Variants in COL27A1 observed in about 807,000 individuals in gnomAD.
COL27A1 encodes collagen type XXVII alpha 1 chain, also known as collagen alpha-1(XXVII) chain.
A neutral mutation model predicts 251.3 loss-of-function variants in COL27A1; 106 were observed. That is an observed-to-expected ratio of 0.42 (90% confidence interval 0.36 to 0.50). The LOEUF (loss-of-function observed/expected upper bound fraction) is 0.50, where lower values mean the gene tolerates loss of function less well. COL27A1 is among the 20% of genes least tolerant of loss of function. The pLI is 0.00. For synonymous variants in COL27A1, 1,000 were observed against 986.3 expected (o/e 1.01, Z -0.26); for missense variants, 2,325 against 2,522.8 (o/e 0.92, Z 1.68).
At chr9:114,214,092 G>A (rs117920430) in intron 12 of COL27A1, among the ~76,000 whole-genome samples, 1,573 of 152,288 alleles carry the variant, frequency 0.01, 22 homozygotes, top group Non-Finnish European at 0.011. Context: ...CATCGGCTGA[G>A]TCCCTACAGC....
chr9:114,213,828 T>G (rs1282246795), intron 12 of COL27A1, among the ~76,000 whole-genome samples: 1 of 152,226 alleles, frequency 6.6e-6, no homozygotes, highest in Non-Finnish European at 1.5e-5. Flanking sequence ...CTTGCCAGAC[T>G]GAGAACTTCT....
chr9:114,182,774 C>T (rs1481281761), intron 4 of COL27A1, among the ~76,000 whole-genome samples: 1 of 152,214 alleles, frequency 6.6e-6, no homozygotes, highest in Non-Finnish European at 1.5e-5. Context: ...ATAGTAATAA[C>T]AACACCACCT....
chr9:114,235,990 C>G (rs888030261), intron 17 of COL27A1, among the ~76,000 whole-genome samples: 4 of 152,122 alleles, frequency 2.6e-5, no homozygotes, highest in Non-Finnish European at 5.9e-5. Flanking sequence ...GGCTCCCTAA[C>G]CAGACATCAG....
chr9:114,161,094 A>G (rs1283023081), intron 1 of COL27A1, among the ~76,000 whole-genome samples: 1 of 152,192 alleles, frequency 6.6e-6, no homozygotes, highest in East Asian at 1.9e-4. Flanking sequence ...TCAGCATCCC[A>G]ACAGTGTCTT....
chr9:114,193,732 A>C (rs933850566), intron 5 of COL27A1, among the ~76,000 whole-genome samples: 8 of 152,142 alleles, frequency 5.3e-5, no homozygotes, highest in Non-Finnish European at 7.3e-5. Context: ...TCGTGCATTG[A>C]ACCTCATGTA....
intron 53 of COL27A1, 54 bp from the exon 54 acceptor site, chr9:114,301,391 G>T: frequency 6.2e-7 from 1 of 1,612,460 alleles, no homozygotes; most frequent in South Asian, 1.1e-5. Flanking sequence ...CCAGAGTTGG[G>T]CCATGGCTCA....
rs1828962945 is a variant in COL27A1 at position 114,194,403 on chromosome 9, G to A, written c.2017-1G>A. ...CCAAAGTGGAATTGTTTTTGTTTCA[G>A]GGACAGAAAGGGGACCCAGGGCTCT... is the stretch of plus-strand genomic sequence containing the variant. On this transcript the variant is annotated splice_acceptor_variant, in intron 5 of 60. Coordinates refer to ENST00000356083, the MANE Select transcript of COL27A1 (RefSeq NM_032888.4). LOFTEE classifies it high-confidence loss of function. The A allele has an allele frequency of 6.2e-7, 1 of 1,613,400 alleles. No individual in the cohort carries two copies.
chr9:114,163,337 G>T (rs999167878), intron 2 of COL27A1, among the ~76,000 whole-genome samples: 1 of 151,760 alleles, frequency 6.6e-6, no homozygotes, highest in Non-Finnish European at 1.5e-5. Flanking sequence ...GGCAAAATTT[G>T]AGTAAGTTAC....
chr9:114,274,639 A>T (rs1378298976), intron 36 of COL27A1, among the ~76,000 whole-genome samples: 1 of 152,246 alleles, frequency 6.6e-6, no homozygotes, highest in Non-Finnish European at 1.5e-5. Flanking sequence ...CCAGAGCGAT[A>T]GGAGGGCACG....
intron 54 of COL27A1, 107 bp downstream of exon 54, chr9:114,301,569 G>A: frequency 1.3e-6 from 2 of 1,534,912 alleles, no homozygotes; most frequent in Non-Finnish European, 1.8e-6. Flanking sequence ...CATCCCGTCT[G>A]TGCCAGAGGA....
At chr9:114,281,210 C>G (rs1400222544) in intron 37 of COL27A1, among the ~76,000 whole-genome samples, 1 of 152,258 alleles carries the variant, frequency 6.6e-6, no homozygotes, top group Non-Finnish European at 1.5e-5. Flanking sequence ...GGCTTGCAGT[C>G]AAGAAGTCCT....
intron 58 of COL27A1, chr9:114,307,445 T>C: frequency 1.8e-6 from 1 of 553,482 alleles, no homozygotes; most frequent in Non-Finnish European, 3.2e-6. Flanking sequence ...CATAGGCAAG[T>C]ACTTAGCCAT....
At chr9:114,175,159 C>T (rs1009161183) in intron 3 of COL27A1, among the ~76,000 whole-genome samples, 26 of 144,854 alleles carry the variant, frequency 1.8e-4, no homozygotes, top group African/African-American at 6.4e-4. Context: ...GAGGGGTCTG[C>T]TTGGTTGTTT....
intron 41 of COL27A1, among the ~76,000 whole-genome samples, chr9:114,288,180 G>A (rs569983580): frequency 6.6e-6 from 1 of 152,140 alleles, no homozygotes; most frequent in East Asian, 1.9e-4. Flanking sequence ...AAGCCGGGAT[G>A]TGAATCCAGC....
Position 114,301,475 on chromosome 9 carries a change from G to A in COL27A1, c.4809+13G>A. 1 of 1,608,564 alleles carries A rather than the reference G, an allele frequency of 6.2e-7. No homozygotes were observed. The highest frequency in any genetic ancestry group is 1.3e-5 in the African/African-American group (1 of 74,718). Reference sequence around the variant, plus strand: ...GCAAGGTCCGAGGGTGAGTGGGCTGGGCATGAGGGCTGTGGGGCGGGGCGT... The same window carrying A: ...GCAAGGTCCGAGGGTGAGTGGGCTGAGCATGAGGGCTGTGGGGCGGGGCGT... On this transcript the variant is annotated intron_variant, in intron 54 of 60. Transcript: ENST00000356083.
At chr9:114,257,238 A>C (rs982241694) in intron 27 of COL27A1, among the ~76,000 whole-genome samples, 2 of 151,968 alleles carry the variant, frequency 1.3e-5, no homozygotes, top group Non-Finnish European at 2.9e-5. Flanking sequence ...TCTGCCTTGC[A>C]AAAGGAGCAC....
intron 12 of COL27A1, among the ~76,000 whole-genome samples, chr9:114,212,146 C>T (rs1255736625): frequency 6.6e-6 from 1 of 152,222 alleles, no homozygotes; most frequent in African/African-American, 2.4e-5. Flanking sequence ...CACCCCCAAC[C>T]TAGACCCCTC....
intron 7 of COL27A1, among the ~76,000 whole-genome samples, chr9:114,200,742 C>T (rs190562093): frequency 4.6e-5 from 7 of 152,322 alleles, no homozygotes; most frequent in African/African-American, 1.4e-4. Flanking sequence ...CATAATAAGA[C>T]CCTCTACTCT....
rs1194132464 is a variant in COL27A1 at position 114,310,806 on chromosome 9, G to C, written c.*111G>C. The C allele has an allele frequency of 4.4e-6, 5 of 1,149,160 alleles. No homozygotes were observed. Among genetic ancestry groups the C allele is most frequent in the Non-Finnish European group, 6.2e-6 (5 of 807,920 alleles). 71.2% of individuals were successfully genotyped at this position (1,149,160 alleles called of 1,614,324 possible). On this transcript the variant is annotated 3_prime_UTR_variant, in exon 61 of 61. Coordinates refer to ENST00000356083, the MANE Select transcript of COL27A1 (RefSeq NM_032888.4). ...GGAGAGGCAGCTCCCCTGCCCAAGG[G>C]TCCTTGGGCAGACCCCAGCTGTTGT...
Sources: allele counts gnomAD v4.1 joint callset (sites outside exome capture counted in the v4.1 genomes callset), GRCh38; gene constraint gnomAD v4.1.1; transcripts MANE v1.5; gene names NCBI Gene and HGNC (gene_info 2026-07-23, HGNC 2026-07-21).